Variants in CENPW observed in about 807,000 individuals in gnomAD.
CENPW encodes cancer-up-regulated gene 2 protein.
CENPW carries 3 observed loss-of-function variants against 11.1 expected under a neutral mutation model. The observed-to-expected ratio is 0.27, with a 90% confidence interval of 0.12 to 0.70. The LOEUF is 0.70. CENPW is among the 30% of genes least tolerant of loss of function. The pLI, the probability that CENPW is intolerant of heterozygous loss-of-function variation, is 0.77. For missense variants in CENPW, 100 were observed against 105.6 expected (o/e 0.95, Z 0.23); for synonymous variants, 38 against 42.0 (o/e 0.91, Z 0.37).
chr6:126,421,193 C>G, the CENPW span, among the ~76,000 whole-genome samples: 5 of 152,104 alleles, frequency 3.3e-5, no homozygotes, highest in South Asian at 4.1e-4. Context: ...ATTTTGTCCT[C>G]TACTATTCCA....
the CENPW span, among the ~76,000 whole-genome samples, chr6:126,362,295 C>G: frequency 6.6e-6 from 1 of 152,128 alleles, no homozygotes; most frequent in African/African-American, 2.4e-5. Flanking sequence ...CAGTTGAGGC[C>G]CTGTCTGCTT....
the CENPW span, among the ~76,000 whole-genome samples, chr6:126,478,600 T>C: frequency 6.6e-6 from 1 of 151,984 alleles, no homozygotes; most frequent in Non-Finnish European, 1.5e-5. Context: ...ACAAAGCCCA[T>C]ATTTGCTTAA....
At chr6:126,475,723 A>G in the CENPW span, among the ~76,000 whole-genome samples, 1 of 152,080 alleles carries the variant, frequency 6.6e-6, no homozygotes, top group African/African-American at 2.4e-5. Context: ...TACTTTAAAC[A>G]TTTATAATAA....
the CENPW span, among the ~76,000 whole-genome samples, chr6:126,449,058 C>T: frequency 6.6e-6 from 1 of 150,986 alleles, no homozygotes; most frequent in Non-Finnish European, 1.5e-5. Context: ...GCCATGTTGT[C>T]TTTAGAGATA....
chr6:126,426,839 A>T, the CENPW span, among the ~76,000 whole-genome samples: 2 of 152,172 alleles, frequency 1.3e-5, no homozygotes, highest in African/African-American at 4.8e-5. Context: ...TATGCTAGTA[A>T]CAGATGAGGC....
At chr6:126,425,708 TA>T in the CENPW span, among the ~76,000 whole-genome samples, 2 of 151,852 alleles carry the variant, frequency 1.3e-5, no homozygotes, top group Non-Finnish European at 2.9e-5. Context: ...GTAAGGTATA[TA>T]AAAGTGAGAT....
At chr6:126,350,191 T>G (rs1357472233), downstream of CENPW, among the ~76,000 whole-genome samples, 2 of 152,174 alleles carry the variant, frequency 1.3e-5, no homozygotes, top group East Asian at 3.8e-4. Flanking sequence ...GGCAAGAATA[T>G]GCAGCATTGT....
chr6:126,421,760 G>A, the CENPW span, among the ~76,000 whole-genome samples: 1 of 151,996 alleles, frequency 6.6e-6, no homozygotes. Flanking sequence ...CCGAATGAAT[G>A]CAATAGATAA....
At chr6:126,354,308 AG>A in the CENPW span, among the ~76,000 whole-genome samples, 1 of 152,080 alleles carries the variant, frequency 6.6e-6, no homozygotes, top group South Asian at 2.1e-4. Context: ...CTGGCCCTCC[AG>A]GTGTTTTAAC....
chr6:126,424,430 T>C, the CENPW span, among the ~76,000 whole-genome samples: 2 of 152,146 alleles, frequency 1.3e-5, no homozygotes, highest in Admixed American at 1.3e-4. Flanking sequence ...TAATTGGGTA[T>C]TTTCTCACAA....
At chr6:126,406,022 G>T in the CENPW span, among the ~76,000 whole-genome samples, 1 of 152,096 alleles carries the variant, frequency 6.6e-6, no homozygotes, top group South Asian at 2.1e-4. Flanking sequence ...GAGCATCCTT[G>T]TCTGGTTCTA....
the CENPW span, among the ~76,000 whole-genome samples, chr6:126,390,506 A>G: frequency 2.0e-5 from 3 of 151,918 alleles, no homozygotes. Context: ...ATGTACAATT[A>G]CATTATTATT....
chr6:126,405,539 A>G, the CENPW span, among the ~76,000 whole-genome samples: 1 of 151,944 alleles, frequency 6.6e-6, no homozygotes, highest in African/African-American at 2.4e-5. Flanking sequence ...TTTTCATGAC[A>G]AGTGACATTG....
At chr6:126,469,948 T>G in the CENPW span, among the ~76,000 whole-genome samples, 29 of 152,264 alleles carry the variant, frequency 1.9e-4, no homozygotes, top group Admixed American at 4.6e-4. Context: ...GGTTTGAAAT[T>G]GGAACTTATA....
chr6:126,347,883 T>C (rs2128290119), intron 2 of CENPW, among the ~76,000 whole-genome samples: 1 of 152,136 alleles, frequency 6.6e-6, no homozygotes, highest in African/African-American at 2.4e-5. Flanking sequence ...CTCCTTTTTT[T>C]ATTTGTGCCA....
At chr6:126,390,208 T>C in the CENPW span, among the ~76,000 whole-genome samples, 1 of 151,902 alleles carries the variant, frequency 6.6e-6, no homozygotes, top group East Asian at 1.9e-4. Flanking sequence ...CATACCAATA[T>C]CATCTTTCCT....
the CENPW span, among the ~76,000 whole-genome samples, chr6:126,361,310 TC>T: frequency 6.6e-6 from 1 of 152,082 alleles, no homozygotes; most frequent in Non-Finnish European, 1.5e-5. Context: ...TTTCTTTTTT[TC>T]TTTTTTTTGA....
chr6:126,433,989 G>C, the CENPW span, among the ~76,000 whole-genome samples: 1 of 152,096 alleles, frequency 6.6e-6, no homozygotes, highest in Non-Finnish European at 1.5e-5. Flanking sequence ...CTAGTGAAGT[G>C]ACCATTTTAC....
chr6:126,417,662 C>T, the CENPW span, among the ~76,000 whole-genome samples: 1 of 152,112 alleles, frequency 6.6e-6, no homozygotes, highest in African/African-American at 2.4e-5. Flanking sequence ...TTGCCTGCTG[C>T]CATCCATGTA....
Sources: allele counts gnomAD v4.1 joint callset (sites outside exome capture counted in the v4.1 genomes callset), GRCh38; gene constraint gnomAD v4.1.1; transcripts MANE v1.5; gene names NCBI Gene and HGNC (gene_info 2026-07-23, HGNC 2026-07-21).